CRTC1: variants seen among roughly 807,000 people sequenced by gnomAD.
CRTC1 encodes CREB regulated transcription coactivator 1, also known as CREB-regulated transcription coactivator 1.
A neutral mutation model predicts 66.1 loss-of-function variants in CRTC1; 18 were observed. The ratio of observed to expected loss-of-function variants is 0.27; its 90% CI spans 0.19 to 0.40. The LOEUF is 0.40. Ranked by LOEUF, CRTC1 falls within the 10% of genes least tolerant of loss-of-function variation. The pLI is 1.00. For missense variants in CRTC1, 669 were observed against 887.9 expected (o/e 0.75, Z 3.13); for synonymous variants, 416 against 398.8 (o/e 1.04, Z -0.51).
At chr19:18,762,310 C>T (rs935401810) in intron 8 of CRTC1, among the ~76,000 whole-genome samples, 2 of 152,240 alleles carry the variant, frequency 1.3e-5, no homozygotes, top group Admixed American at 6.5e-5. Flanking sequence ...CTGGCCAGAG[C>T]GGCCCGGTAA....
At position 18,768,451 on chromosome 19, in the gene CRTC1, G is replaced by T; in HGVS notation, c.1012-34G>T. Reference sequence around the variant, plus strand: ...GAGGGGGCCAGGCGCTGACAACCAGGGCCCGCCCTGCCTGACGCTCTCCTC... The same window carrying T: ...GAGGGGGCCAGGCGCTGACAACCAGTGCCCGCCCTGCCTGACGCTCTCCTC... On this transcript the variant is annotated intron_variant, in intron 9 of 13. Coordinates refer to ENST00000321949, the MANE Select transcript of CRTC1 (RefSeq NM_015321.3). The surrounding 1 kb of genome is among the most constrained non-coding windows in gnomAD (Gnocchi z 5.6). The T allele has an allele frequency of 6.3e-7, 1 of 1,593,128 alleles. No homozygotes were observed.
intron 1 of CRTC1, among the ~76,000 whole-genome samples, chr19:18,697,797 G>A (rs1323388606): frequency 6.6e-6 from 1 of 152,254 alleles, no homozygotes; most frequent in Non-Finnish European, 1.5e-5. Flanking sequence ...GTGGACACAT[G>A]GTGTACCCAG....
At chr19:18,744,835 G>A (rs1297361564) in intron 2 of CRTC1, among the ~76,000 whole-genome samples, 1 of 152,138 alleles carries the variant, frequency 6.6e-6, no homozygotes, top group African/African-American at 2.4e-5. Flanking sequence ...CCCCAGGGCT[G>A]GGGACAGTAG....
intron 1 of CRTC1, among the ~76,000 whole-genome samples, chr19:18,723,723 C>A (rs1051453223): frequency 6.6e-6 from 1 of 152,166 alleles, no homozygotes; most frequent in Non-Finnish European, 1.5e-5. Flanking sequence ...GGAGAGGGAG[C>A]CTTAGCTATG....
Position 18,768,593 on chromosome 19 carries a change from C to A in CRTC1, c.1120C>A (p.Pro374Thr). 6.4e-7 allele frequency: 1 copy of A among 1,551,956 alleles called. No individual in the cohort carries two copies. The highest frequency in any genetic ancestry group is 8.7e-7 in the Non-Finnish European group (1 of 1,144,154). ...PPQPQPPPPP[P>T]PASQQPPPPP... ...GCAGCCCCAGCCCCCGCCGCCTCCT[C>A]CACCCGCGTCCCAGCAGCCACCACC... The change falls in exon 10 of 14, where the codon CCA becomes ACA. Residue 374 changes from proline (P) to threonine (T), a missense_variant. Pro to Thr is a conservative substitution (Grantham distance 38, BLOSUM62 -1). This residue lies in a region of CRTC1 where 241 missense variants were observed against 242.2 expected (regional missense o/e 0.99). Coordinates refer to ENST00000321949, the MANE Select transcript of CRTC1 (RefSeq NM_015321.3). The surrounding 1 kb of genome is among the most constrained non-coding windows in gnomAD (Gnocchi z 5.6).
intron 6 of CRTC1, among the ~76,000 whole-genome samples, chr19:18,757,129 A>G (rs1305002578): frequency 6.6e-6 from 1 of 152,132 alleles, no homozygotes; most frequent in Non-Finnish European, 1.5e-5. Flanking sequence ...ATAATCCTGA[A>G]AGAACTCAGC....
chr19:18,759,965 G>GTCCC, intron 7 of CRTC1, 43 bp from the exon 8 acceptor site: 3 of 1,002,734 alleles, frequency 3.0e-6, no homozygotes, highest in Non-Finnish European at 4.1e-6. Context: ...CGCCAGCCCC[G>GTCCC]CCCCATGAGC....
At chr19:18,701,066 C>T (rs567273440) in intron 1 of CRTC1, among the ~76,000 whole-genome samples, 3 of 152,318 alleles carry the variant, frequency 2.0e-5, no homozygotes, top group Non-Finnish European at 4.4e-5. Flanking sequence ...ATTTATGGTC[C>T]CAACAGCCTA....
chr19:18,713,367 G>A (rs1003193561), intron 1 of CRTC1, among the ~76,000 whole-genome samples: 1 of 152,256 alleles, frequency 6.6e-6, no homozygotes, highest in Non-Finnish European at 1.5e-5. Context: ...TGCAGGGTTT[G>A]TGTGGACACT....
chr19:18,759,374 C>G (rs527630204), intron 6 of CRTC1, among the ~76,000 whole-genome samples, 177 bp from the exon 7 acceptor site: 1 of 152,308 alleles, frequency 6.6e-6, no homozygotes, highest in Non-Finnish European at 1.5e-5. Context: ...CCCCTCCACC[C>G]TGGGGCGGTG....
chr19:18,744,302 T>C (rs2054181101), intron 2 of CRTC1: 3 of 689,482 alleles, frequency 4.4e-6, no homozygotes, highest in Middle Eastern at 3.8e-4. Context: ...GTCCGCCAAA[T>C]GGAAATGGAT....
intron 8 of CRTC1, among the ~76,000 whole-genome samples, chr19:18,764,992 C>T (rs1158686451): frequency 1.3e-5 from 2 of 152,228 alleles, no homozygotes; most frequent in Admixed American, 1.3e-4. Flanking sequence ...CTCTCCCCTG[C>T]AGCCCTTCAG....
rs35465891 is a variant in CRTC1 at position 18,728,815 on chromosome 19, C to CTTTTTTTTTTTTTTTTTTTTTT, written c.127-14080_127-14079insTTTTTTTTTTTTTTTTTTTTTT. Among the ~76,000 whole-genome samples the CTTTTTTTTTTTTTTTTTTTTTT allele has an allele frequency of 5.7e-4, 45 of 79,364 alleles. 7 individuals carry two copies. Among genetic ancestry groups the CTTTTTTTTTTTTTTTTTTTTTT allele is most frequent in the East Asian group, 3.7e-3 (5 of 1,364 alleles). 52.1% of individuals were successfully genotyped at this position (79,364 alleles called of 152,430 possible). ...ACAGGTGTGAGCCACCTCACCTGGC[C>CTTTTTTTTTTTTTTTTTTTTTT]TTTTTTTTTTTTTTTGAGACAGAGT... On this transcript the variant is annotated intron_variant, in intron 1 of 13. Coordinates refer to ENST00000321949, the MANE Select transcript of CRTC1 (RefSeq NM_015321.3).
At position 18,747,133 on chromosome 19, in the gene CRTC1, C is replaced by CG; in HGVS notation, c.443+19_443+20insG. ...GGAGAAGGTCAGTGGCTGGACACCC[C>CG]CCCCCCGCCCCCTTCTTGTTGGAAA... On this transcript the variant is annotated intron_variant, in intron 4 of 13. Coordinates refer to ENST00000321949, the MANE Select transcript of CRTC1 (RefSeq NM_015321.3). 3.7e-6 allele frequency: 3 copies of CG among 815,216 alleles called. No individual in the cohort carries two copies. The highest frequency in any genetic ancestry group is 5.8e-6 in the Non-Finnish European group (3 of 518,468). 50.5% of individuals were successfully genotyped at this position (815,216 alleles called of 1,614,324 possible). A position where few individuals can be genotyped will look rare whatever the true frequency, so the allele number is the denominator to read the frequency against.
intron 1 of CRTC1, among the ~76,000 whole-genome samples, chr19:18,717,141 CT>C (rs1044647667): frequency 1.3e-5 from 2 of 152,174 alleles, no homozygotes; most frequent in African/African-American, 2.4e-5. Flanking sequence ...TACAGCCTCC[CT>C]GGTGGGTGAC....
At chr19:18,725,873 G>A (rs148120194) in intron 1 of CRTC1, among the ~76,000 whole-genome samples, 12 of 152,288 alleles carry the variant, frequency 7.9e-5, no homozygotes, top group East Asian at 1.9e-4. Context: ...TCGCGCTTCC[G>A]GGGCTGCCGG....
intron 1 of CRTC1, among the ~76,000 whole-genome samples, chr19:18,694,135 G>GAAAA (rs56040700): frequency 8.0e-6 from 1 of 125,310 alleles, no homozygotes; most frequent in Non-Finnish European, 1.7e-5. Flanking sequence ...CTCCGTCTCA[G>GAAAA]AAAAAAAAAA....
chr19:18,713,965 C>T (rs1324641171), intron 1 of CRTC1, among the ~76,000 whole-genome samples: 2 of 152,220 alleles, frequency 1.3e-5, no homozygotes, highest in Non-Finnish European at 2.9e-5. Flanking sequence ...TGGAAACCTA[C>T]ACTAAAAATA....
chr19:18,685,537 A>G (rs1271518507), intron 1 of CRTC1, among the ~76,000 whole-genome samples: 5 of 152,100 alleles, frequency 3.3e-5, no homozygotes. Context: ...GCTACCTGTA[A>G]TCCCAGCTAC....
Sources: gnomAD v4.1 joint callset for allele counts (sites outside exome capture counted in the v4.1 genomes callset) on GRCh38, gnomAD v4.1.1 for gene constraint, gnomAD v4.1.1 regional missense constraint, Gnocchi (gnomAD v3.1) non-coding constraint, MANE v1.5 for transcripts, NCBI Gene and HGNC (gene_info 2026-07-23, HGNC 2026-07-21) for gene names.